Variants in EYS observed in about 807,000 individuals in gnomAD.
EYS encodes protein eyes shut homolog.
Under a neutral mutation model 282.1 loss-of-function variants are expected in EYS, and 250 were observed. That is an observed-to-expected ratio of 0.89 (90% confidence interval 0.80 to 0.98). EYS has a LOEUF of 0.98. Ranked by LOEUF, EYS falls within the 50% of genes least tolerant of loss-of-function variation. EYS has a pLI of 0.00. For missense variants in EYS, 4,016 were observed against 3,709.0 expected (o/e 1.08, Z -2.15); for synonymous variants, 1,355 against 1,282.9 (o/e 1.06, Z -1.20).
intron 1 of EYS, among the ~76,000 whole-genome samples, chr6:65,705,750 C>A (rs1769855097): frequency 6.6e-6 from 1 of 151,962 alleles, no homozygotes; most frequent in African/African-American, 2.4e-5. Flanking sequence ...TATCAATGCC[C>A]TTTTCCTTTC....
chr6:65,406,687 CTTTG>C (rs780051573), intron 5 of EYS, among the ~76,000 whole-genome samples: 66 of 152,012 alleles, frequency 4.3e-4, no homozygotes, highest in Admixed American at 3.3e-4. Context: ...TCCCTCATTT[CTTTG>C]TTTGTTTGTT....
intron 26 of EYS, among the ~76,000 whole-genome samples, chr6:64,578,112 C>T (rs1765941006): frequency 6.6e-6 from 1 of 152,064 alleles, no homozygotes; most frequent in African/African-American, 2.4e-5. Context: ...TTGTGTATTC[C>T]TGCCCAAACC....
At chr6:63,754,821 A>T (rs755880976) in intron 41 of EYS, among the ~76,000 whole-genome samples, 6 of 152,048 alleles carry the variant, frequency 3.9e-5, no homozygotes, top group Non-Finnish European at 5.9e-5. Flanking sequence ...GTGTAAAGGC[A>T]TTCCTATTTC....
chr6:64,447,345 C>T (rs1460173923), intron 26 of EYS, among the ~76,000 whole-genome samples: 11 of 151,938 alleles, frequency 7.2e-5, no homozygotes, highest in African/African-American at 1.2e-4. Context: ...TTAGCTCATC[C>T]CAATTAGCTT....
At chr6:64,873,149 C>T (rs1470754862) in intron 19 of EYS, among the ~76,000 whole-genome samples, 1 of 152,032 alleles carries the variant, frequency 6.6e-6, no homozygotes, top group African/African-American at 2.4e-5. Context: ...TTCCACATGG[C>T]TGGGGAGGCA....
At chr6:65,570,693 C>T (rs1764446717) in intron 2 of EYS, among the ~76,000 whole-genome samples, 1 of 152,096 alleles carries the variant, frequency 6.6e-6, no homozygotes, top group South Asian at 2.1e-4. Context: ...TGGACTCTTT[C>T]CTACAGTGTA....
chr6:65,307,005 G>A (rs942836068), intron 11 of EYS, among the ~76,000 whole-genome samples: 23 of 138,320 alleles, frequency 1.7e-4, no homozygotes, highest in African/African-American at 5.3e-4. Context: ...TTTCTTTAGG[G>A]CTAATTTAAT....
intron 12 of EYS, among the ~76,000 whole-genome samples, chr6:65,182,777 T>A (rs1765422992): frequency 6.6e-6 from 1 of 151,870 alleles, no homozygotes. Context: ...TTACTCATCA[T>A]TCTGGGTTTT....
chr6:64,223,679 CA>C (rs1293760420), intron 31 of EYS, among the ~76,000 whole-genome samples: 1 of 151,964 alleles, frequency 6.6e-6, no homozygotes, highest in Non-Finnish European at 1.5e-5. Flanking sequence ...AATAATTCTA[CA>C]AAAACTTTAA....
intron 22 of EYS, among the ~76,000 whole-genome samples, chr6:64,689,254 C>A (rs1770278619): frequency 6.6e-6 from 1 of 152,060 alleles, no homozygotes; most frequent in South Asian, 2.1e-4. Flanking sequence ...CCTGGGAATC[C>A]AACTTGCAAG....
At chr6:65,316,948 A>G (rs1389200873) in intron 11 of EYS, among the ~76,000 whole-genome samples, 2 of 152,152 alleles carry the variant, frequency 1.3e-5, no homozygotes, top group Non-Finnish European at 2.9e-5. Flanking sequence ...ATACATGTGC[A>G]TGTGTCTTGA....
intron 30 of EYS, among the ~76,000 whole-genome samples, chr6:64,274,484 T>TTTTG (rs1404191124): frequency 2.7e-5 from 4 of 147,112 alleles, no homozygotes; most frequent in Non-Finnish European, 4.5e-5. Context: ...CCTGGCCGTT[T>TTTTG]TTTTTTTTTT....
chr6:65,456,234 C>T (rs79215419), intron 5 of EYS, among the ~76,000 whole-genome samples: 2 of 151,928 alleles, frequency 1.3e-5, no homozygotes, highest in Admixed American at 6.6e-5. Context: ...AGGCGAATCA[C>T]GAGGTCAGGA....
At chr6:64,353,439 T>C (rs1227686278) in intron 29 of EYS, among the ~76,000 whole-genome samples, 2 of 151,614 alleles carry the variant, frequency 1.3e-5, no homozygotes, top group Non-Finnish European at 3.0e-5. Context: ...TGTGCATACA[T>C]GGCAATACAG....
At chr6:64,879,343 G>C (rs1766844512) in intron 19 of EYS, among the ~76,000 whole-genome samples, 1 of 151,988 alleles carries the variant, frequency 6.6e-6, no homozygotes, top group Non-Finnish European at 1.5e-5. Flanking sequence ...TTAGCATTTT[G>C]ATGGTTCTCT....
chr6:64,556,873 TA>T (rs1765249987), intron 26 of EYS, among the ~76,000 whole-genome samples: 1 of 151,878 alleles, frequency 6.6e-6, no homozygotes, highest in Non-Finnish European at 1.5e-5. Context: ...ATCACTGTAG[TA>T]AAATAGCAGA....
intron 30 of EYS, among the ~76,000 whole-genome samples, chr6:64,236,056 T>G (rs1350266671): frequency 1.3e-5 from 2 of 152,274 alleles, no homozygotes; most frequent in East Asian, 3.9e-4. Flanking sequence ...TTGATGAACA[T>G]TGATGCAAAA....
intron 30 of EYS, among the ~76,000 whole-genome samples, chr6:64,256,395 T>G (rs1036892824): frequency 1.3e-5 from 2 of 152,016 alleles, no homozygotes; most frequent in Admixed American, 1.3e-4. Flanking sequence ...TACTAATTCA[T>G]TAGACACTTT....
In EYS at chr6:63,729,103, A is replaced by C. The variant is rs78820589; in HGVS notation, c.8072-2423T>G. Reference sequence around the variant, plus strand: ...AGATGTTGAGCATTTTCATATGCTCATTTGCCATCTGAATATCTTCTGTAG... The same window carrying C: ...AGATGTTGAGCATTTTCATATGCTCCTTTGCCATCTGAATATCTTCTGTAG... On this transcript the variant is annotated intron_variant, in intron 41 of 42. Coordinates refer to ENST00000503581, the MANE Select transcript of EYS (RefSeq NM_001142800.2). Among the ~76,000 whole-genome samples the C allele has an allele frequency of 4.9e-4, 74 of 152,260 alleles. 1 individual carries two copies. Among genetic ancestry groups the C allele is most frequent in the Admixed American group, 1.4e-3 (22 of 15,292 alleles).
Sources: gnomAD v4.1 joint callset for allele counts (sites outside exome capture counted in the v4.1 genomes callset) on GRCh38, gnomAD v4.1.1 for gene constraint, MANE v1.5 for transcripts, NCBI Gene and HGNC (gene_info 2026-07-23, HGNC 2026-07-21) for gene names.